The following MMP27 variants were observed in gnomAD, a reference collection of about 807,000 sequenced individuals.
MMP27 encodes matrix metalloproteinase-27.
In MMP27, 51 loss-of-function variants were observed where a neutral mutation model predicts 48.1. That is an observed-to-expected ratio of 1.06 (90% CI 0.85 to 1.34). MMP27 has a LOEUF of 1.34. Among genes scored for constraint, MMP27 ranks in the 40% most tolerant of loss-of-function variants. The pLI, the probability that MMP27 is intolerant of heterozygous loss-of-function variation, is 0.00. For missense variants in MMP27, 698 were observed against 619.3 expected (o/e 1.13, Z -1.35); for synonymous variants, 229 against 208.9 (o/e 1.10, Z -0.83).
rs552654061 is a variant in MMP27, at chr11:102,691,725, A to T, written c.*41T>A. On this transcript the variant is annotated 3_prime_UTR_variant, in exon 10 of 10. Transcript: ENST00000260229. The stretch of plus-strand genomic sequence containing the variant: ...TTTATTCTATTTTGAAGCAGAATTT[A>T]TATTAAAAGACCTGTTGAGGTTTAT... The T allele has an allele frequency of 4.1e-6, 6 of 1,461,730 alleles. No homozygotes were observed. The highest frequency in any genetic ancestry group is 3.7e-6 in the Non-Finnish European group (4 of 1,087,890). The allele number at this position is 1,461,730 out of a possible 1,614,324, so 90.5% of individuals were successfully genotyped here.
At chr11:102,697,440 G>A (rs1239646064) in intron 4 of MMP27, among the ~76,000 whole-genome samples, 4 of 152,124 alleles carry the variant, frequency 2.6e-5, no homozygotes, top group Admixed American at 6.5e-5. Context: ...AGACACTTAA[G>A]CTACACCAAA....
At chr11:102,700,077 T>C (rs1195891995) in intron 4 of MMP27, among the ~76,000 whole-genome samples, 1 of 152,248 alleles carries the variant, frequency 6.6e-6, no homozygotes, top group Non-Finnish European at 1.5e-5. Context: ...TAATTGTCTA[T>C]GTGTCCCTTA....
intron 2 of MMP27, among the ~76,000 whole-genome samples, chr11:102,703,873 A>T (rs17099427): frequency 0.049 from 7,394 of 152,232 alleles, 211 homozygotes; most frequent in Middle Eastern, 0.099. Flanking sequence ...TCAGGAAAAG[A>T]TTTTTCTCGT....
At position 102,703,128 on chromosome 11, in the gene MMP27, T is replaced by G; in HGVS notation, c.342-10A>C. ...AGTATAGTTTATTATTCTTAAAAAT[T>G]AACAAAAATATGTCAATTTCTGGCT... is the stretch of plus-strand genomic sequence containing the variant. On this transcript the variant is annotated splice_polypyrimidine_tract_variant and intron_variant, in intron 2 of 9. Coordinates refer to ENST00000260229, the MANE Select transcript of MMP27 (RefSeq NM_022122.3). The G allele has an allele frequency of 6.2e-7, 1 of 1,605,340 alleles. No homozygotes were observed. Among genetic ancestry groups the G allele is most frequent in the Non-Finnish European group, 8.5e-7 (1 of 1,177,436 alleles).
rs1226974796 is a variant in MMP27 at position 102,696,688 on chromosome 11, A to G, written c.767T>C (p.Ile256Thr). 1 of 1,612,792 alleles carries G rather than the reference A, an allele frequency of 6.2e-7. No homozygotes were observed. Among genetic ancestry groups the G allele is most frequent in the African/African-American group, 1.3e-5 (1 of 74,958 alleles). The part of the protein sequence containing the change: ...YPLSQDDING[I>T]QSIYGGLPKE... ...ATTTTGCTCACCATAGATGGACTGG[A>G]TTCCATTGATATCATCCTGAGAAAG... The change falls in exon 5 of 10, where the codon ATC (isoleucine) becomes ACC (threonine). Residue 256 changes from isoleucine (I) to threonine (T), a missense_variant. By Grantham distance (89) the Ile-to-Thr change is moderately conservative (BLOSUM62 -1). Coordinates refer to ENST00000260229, the MANE Select transcript of MMP27 (RefSeq NM_022122.3).
chr11:102,696,752 A>G lies in MMP27; in HGVS notation c.703T>C (p.Phe235Leu). The stretch of plus-strand genomic sequence containing the variant: ...GGATCCAGGGAGACATAATTTGGGA[A>G]CATCAAGGCTGTTTGATCATTGGAG... ...SHSNDQTALM[F>L]PNYVSLDPRK... Residue 235 changes from phenylalanine to leucine, a missense_variant, in exon 5 of 10, where the codon TTC becomes CTC. Physicochemically the swap from Phe to Leu is conservative, Grantham distance 22. Transcript: ENST00000260229. The G allele has an allele frequency of 1.9e-6, 3 of 1,613,856 alleles. No individual in the cohort carries two copies. The highest frequency in any genetic ancestry group is 2.5e-6 in the Non-Finnish European group (3 of 1,179,918).
chr11:102,702,734 T>C lies in MMP27; in HGVS notation c.619+19A>G, dbSNP rs745582144. ...CTTTAGAATAATAAGATTTTGTTCA[T>C]AAAGAAAATTAGACTCACCTGCTCC... On this transcript the variant is annotated intron_variant, in intron 4 of 9. Coordinates refer to ENST00000260229, the MANE Select transcript of MMP27 (RefSeq NM_022122.3). 6.3e-7 allele frequency: 1 copy of C among 1,580,676 alleles called. No individual in the cohort carries two copies. Among genetic ancestry groups the C allele is most frequent in the Non-Finnish European group, 8.6e-7 (1 of 1,169,544 alleles).
chr11:102,700,765 G>A (rs1411492384), intron 4 of MMP27, among the ~76,000 whole-genome samples: 1 of 152,226 alleles, frequency 6.6e-6, no homozygotes, highest in Non-Finnish European at 1.5e-5. Context: ...ACTCACAATA[G>A]GCTTGGCACC....
intron 4 of MMP27, among the ~76,000 whole-genome samples, chr11:102,700,332 A>G (rs193232963): frequency 1.1e-4 from 16 of 152,346 alleles, no homozygotes; most frequent in Admixed American, 5.9e-4. Context: ...TGTGCATTAT[A>G]CATTCATAGC....
chr11:102,700,940 C>T (rs903344502), intron 4 of MMP27, among the ~76,000 whole-genome samples: 4 of 152,202 alleles, frequency 2.6e-5, no homozygotes, highest in East Asian at 1.9e-4. Context: ...TTTTTGCCAC[C>T]CTTCCATAAA....
chr11:102,697,180 C>T (rs35594127), intron 4 of MMP27, among the ~76,000 whole-genome samples: 13,166 of 152,196 alleles, frequency 0.087, 649 homozygotes, highest in African/African-American at 0.13. Context: ...ATATTATAGG[C>T]AATTGTAGCA....
chr11:102,705,100 T>C lies in MMP27; in HGVS notation c.103-325A>G, dbSNP rs563361904. Among the ~76,000 whole-genome samples, 51 of 152,330 alleles carry C rather than the reference T, an allele frequency of 3.3e-4. No individual in the cohort carries two copies. The South Asian group carries it at 0.01, about 31-fold the overall frequency. ...CTGTTGAATGATGACCTATCTTACA[T>C]ATTTTTGCTGTTACTTTCATTTTGG... On this transcript the variant is annotated intron_variant, in intron 1 of 9. Coordinates refer to ENST00000260229, the MANE Select transcript of MMP27 (RefSeq NM_022122.3).
chr11:102,705,550 C>G (rs1861031086), intron 1 of MMP27, 63 bp downstream of exon 1: 10 of 1,120,718 alleles, frequency 8.9e-6, no homozygotes, highest in Non-Finnish European at 8.9e-6. Flanking sequence ...TTTTAGGTCC[C>G]AAGAGAATCA....
chr11:102,692,162 G>A (rs974811103), intron 9 of MMP27, 152 bp from the exon 10 acceptor site: 48 of 667,812 alleles, frequency 7.2e-5, no homozygotes, highest in Admixed American at 3.6e-5. Context: ...ACTGTCATGT[G>A]GGAAATCCTA....
At chr11:102,696,264 T>C in intron 6 of MMP27, 107 bp downstream of exon 6, 2 of 1,142,422 alleles carry the variant, frequency 1.8e-6, no homozygotes, top group East Asian at 2.4e-5. Context: ...AAAATGAAGA[T>C]AAAAGGCACA....
In MMP27 at chr11:102,691,646, C is replaced by A; in HGVS notation, c.*120G>T. The A allele has an allele frequency of 1.2e-6, 1 of 835,612 alleles. No homozygotes were observed. Among genetic ancestry groups the A allele is most frequent in the South Asian group, 2.2e-5 (1 of 44,606 alleles). 51.8% of individuals were successfully genotyped at this position (835,612 alleles called of 1,614,324 possible). On this transcript the variant is annotated 3_prime_UTR_variant, in exon 10 of 10. Transcript: ENST00000260229. The stretch of plus-strand genomic sequence containing the variant: ...AAAGAATCAGGCAGCTCAAAATGGC[C>A]ATTGAATTTGGATATTTAGAACTAG...
intron 7 of MMP27, among the ~76,000 whole-genome samples, chr11:102,694,555 C>T (rs544050054): frequency 2.2e-3 from 334 of 152,104 alleles, no homozygotes; most frequent in African/African-American, 7.5e-3. Context: ...CAATGACTAA[C>T]TTTTGGTATA....
intron 2 of MMP27, 89 bp downstream of exon 2, chr11:102,704,448 C>T: frequency 9.9e-7 from 1 of 1,005,478 alleles, no homozygotes; most frequent in Admixed American, 2.0e-5. Context: ...AGGAAGTGCT[C>T]AGTCAATTGA....
chr11:102,692,085 T>C (rs1037476992), intron 9 of MMP27, 75 bp from the exon 10 acceptor site: 38 of 1,328,456 alleles, frequency 2.9e-5, no homozygotes, highest in Non-Finnish European at 3.6e-5. Context: ...TTTATAAACA[T>C]GGAAAAAAAT....
Sources: allele counts gnomAD v4.1 joint callset (sites outside exome capture counted in the v4.1 genomes callset), GRCh38; gene constraint gnomAD v4.1.1; transcripts MANE v1.5; gene names NCBI Gene and HGNC (gene_info 2026-07-23, HGNC 2026-07-21).